PINX1: variants seen among roughly 807,000 people sequenced by gnomAD.
PINX1 encodes PIN2/TERF1-interacting telomerase inhibitor 1.
In PINX1, 34 loss-of-function variants were observed where a neutral mutation model predicts 25.4. That is an observed-to-expected ratio of 1.34 (90% CI 1.02 to 1.78). PINX1 has a LOEUF of 1.78. PINX1 is among the 40% of genes most tolerant of loss of function. The probability of loss-of-function intolerance (pLI) is 0.00; values close to 1 mark genes in which losing one functional copy is unlikely to be tolerated. For missense variants in PINX1, 592 were observed against 404.9 expected (o/e 1.46, Z -3.97); for synonymous variants, 197 against 147.7 (o/e 1.33, Z -2.42).
rs147320464 is a variant in PINX1 at position 10,802,031 on chromosome 8, C to G, written c.471+18162G>C. Among the ~76,000 whole-genome samples, 1,059 of 152,142 alleles carry G rather than the reference C, an allele frequency of 7.0e-3. 15 individuals carry two copies. Among genetic ancestry groups the G allele is most frequent in the African/African-American group, 0.024 (996 of 41,496 alleles). ...CATGCCGTACAAGTGCCAGCTACATCCTACTGACAAACTGGAAGATGTACA... is the reference window on the plus strand; with the variant it reads ...CATGCCGTACAAGTGCCAGCTACATGCTACTGACAAACTGGAAGATGTACA... On this transcript the variant is annotated intron_variant, in intron 6 of 6. Transcript: ENST00000314787.
Position 10,765,660 on chromosome 8 carries a change from G to A in PINX1, c.728C>T (p.Ala243Val). Residue 243 changes from alanine to valine, a missense_variant, in exon 7 of 7, where the codon GCC becomes GTC. By Grantham distance (64) the Ala-to-Val change is moderately conservative (BLOSUM62 0). Coordinates refer to ENST00000314787, the MANE Select transcript of PINX1 (RefSeq NM_017884.6). Reference protein sequence around the residue: ...KRHTEGKPERAEAQERVAKKK... With the variant: ...KRHTEGKPERVEAQERVAKKK... ...CTTGGCCACTCGCTCCTGGGCCTCG[G>A]CCCTCTCGGGCTTTCCCTCCGTGTG... 6.2e-7 allele frequency: 1 copy of A among 1,613,950 alleles called. No homozygotes were observed. Among genetic ancestry groups the A allele is most frequent in the South Asian group, 1.1e-5 (1 of 91,080 alleles).
At chr8:10,786,480 A>G (rs1412860265) in intron 6 of PINX1, among the ~76,000 whole-genome samples, 4 of 152,172 alleles carry the variant, frequency 2.6e-5, no homozygotes, top group Non-Finnish European at 4.4e-5. Flanking sequence ...TAACCCTGAG[A>G]AAGAAAGAAA....
rs1460486919 is a variant in PINX1 at position 10,805,736 on chromosome 8, GT to G, written c.471+14456del. 1.0e-4 allele frequency among the ~76,000 whole-genome samples: 10 copies of G among 96,814 alleles called. 1 individual carries two copies. The highest frequency in any genetic ancestry group is 3.2e-4 in the African/African-American group (8 of 24,776). 63.5% of individuals were successfully genotyped at this position (96,814 alleles called of 152,430 possible). A position where few individuals can be genotyped will look rare whatever the true frequency, so the allele number is the denominator to read the frequency against. On this transcript the variant is annotated intron_variant, in intron 6 of 6. Transcript: ENST00000314787. ...CAGGAAGGGGCCACACTAGCGCTGAGTGGGTGACGGAGCACAGGAAGGGGCC... is the reference window on the plus strand; with the variant it reads ...CAGGAAGGGGCCACACTAGCGCTGAGGGGTGACGGAGCACAGGAAGGGGCC...
intron 6 of PINX1, among the ~76,000 whole-genome samples, chr8:10,792,085 T>C (rs1020144447): frequency 6.6e-6 from 1 of 152,174 alleles, no homozygotes; most frequent in East Asian, 1.9e-4. Context: ...GATCAGCTAT[T>C]GGAGTCTGAG....
intron 6 of PINX1, among the ~76,000 whole-genome samples, chr8:10,796,490 C>A (rs1264294058): frequency 1.3e-5 from 2 of 152,108 alleles, no homozygotes; most frequent in Non-Finnish European, 2.9e-5. Flanking sequence ...GAAGAACTCT[C>A]TATGAGAGGA....
intron 5 of PINX1, chr8:10,825,526 A>G (rs955875209): frequency 4.4e-5 from 23 of 523,816 alleles, no homozygotes; most frequent in African/African-American, 3.1e-4. Flanking sequence ...GTGGCTGAAG[A>G]CAACAACCGC....
chr8:10,774,297 T>C (rs888344534), intron 6 of PINX1, among the ~76,000 whole-genome samples: 4 of 152,144 alleles, frequency 2.6e-5, no homozygotes, highest in African/African-American at 7.2e-5. Context: ...TTTTTTTTTT[T>C]TGAGACGGAG....
At chr8:10,781,449 C>T (rs767319628) in intron 6 of PINX1, among the ~76,000 whole-genome samples, 1 of 152,182 alleles carries the variant, frequency 6.6e-6, no homozygotes, top group Non-Finnish European at 1.5e-5. Context: ...GACCATGTAT[C>T]TGATATAAAG....
chr8:10,814,159 C>T (rs1371551344), intron 6 of PINX1, among the ~76,000 whole-genome samples: 1 of 152,160 alleles, frequency 6.6e-6, no homozygotes, highest in Admixed American at 6.5e-5. Context: ...TTTAGGTGCA[C>T]TCCAAACCAG....
In PINX1 at chr8:10,795,560, C is replaced by T. The variant is rs57591979; in HGVS notation, c.471+24633G>A. ...GGACTACAGGCACACACTACCATGC[C>T]TGGCTAATTTTTGTATTCTTAGTAA... On this transcript the variant is annotated intron_variant, in intron 6 of 6. Transcript: ENST00000314787. Among the ~76,000 whole-genome samples, 762 of 152,296 alleles carry T rather than the reference C, an allele frequency of 5.0e-3. 3 individuals carry two copies. The highest frequency in any genetic ancestry group is 0.017 in the African/African-American group (726 of 41,568).
chr8:10,799,705 G>A (rs1474666120), intron 6 of PINX1, among the ~76,000 whole-genome samples: 2 of 152,170 alleles, frequency 1.3e-5, no homozygotes, highest in Non-Finnish European at 2.9e-5. Context: ...CACAATCCCT[G>A]CATGTCTGAG....
intron 6 of PINX1, among the ~76,000 whole-genome samples, chr8:10,816,328 T>C (rs896913921): frequency 6.6e-6 from 1 of 152,230 alleles, no homozygotes; most frequent in African/African-American, 2.4e-5. Flanking sequence ...AACATCCTGT[T>C]CATCTATAAA....
intron 6 of PINX1, among the ~76,000 whole-genome samples, chr8:10,804,201 G>A (rs1030406112): frequency 2.0e-5 from 3 of 152,234 alleles, no homozygotes; most frequent in African/African-American, 7.2e-5. Flanking sequence ...GAGGCAGGAT[G>A]GAGATGAGGA....
intron 5 of PINX1, among the ~76,000 whole-genome samples, chr8:10,824,554 G>C (rs1315035899): frequency 6.6e-6 from 1 of 152,200 alleles, no homozygotes; most frequent in Non-Finnish European, 1.5e-5. Context: ...GAGGCACTCA[G>C]CGGTCTCACA....
intron 6 of PINX1, among the ~76,000 whole-genome samples, chr8:10,792,182 G>C (rs992561797): frequency 6.6e-6 from 1 of 152,026 alleles, no homozygotes; most frequent in Non-Finnish European, 1.5e-5. Context: ...CGCTGGCCTC[G>C]CTCTCCCTGC....
chr8:10,815,895 C>T (rs1797681002), intron 6 of PINX1, among the ~76,000 whole-genome samples: 1 of 152,152 alleles, frequency 6.6e-6, no homozygotes, highest in Non-Finnish European at 1.5e-5. Context: ...TGGCTAAGTG[C>T]AGGAAGTAGA....
chr8:10,796,078 T>G (rs1490518678), intron 6 of PINX1, among the ~76,000 whole-genome samples: 1 of 152,198 alleles, frequency 6.6e-6, no homozygotes, highest in Non-Finnish European at 1.5e-5. Context: ...CTTAGAGATT[T>G]GGAGAACCAG....
At chr8:10,825,917 T>G (rs1440592066) in intron 5 of PINX1, among the ~76,000 whole-genome samples, 4 of 152,260 alleles carry the variant, frequency 2.6e-5, no homozygotes, top group African/African-American at 9.6e-5. Context: ...CCACAGGACT[T>G]GTTTACAGTC....
chr8:10,787,874 T>A (rs769415650), intron 6 of PINX1: 4 of 454,056 alleles, frequency 8.8e-6, no homozygotes, highest in Non-Finnish European at 1.8e-5. Flanking sequence ...GTTAAGAAAG[T>A]CTGAAAGACA....
Sources: gnomAD v4.1 joint callset for allele counts (sites outside exome capture counted in the v4.1 genomes callset) on GRCh38, gnomAD v4.1.1 for gene constraint, MANE v1.5 for transcripts, NCBI Gene and HGNC (gene_info 2026-07-23, HGNC 2026-07-21) for gene names.